The following CNTNAP2 variants were observed in gnomAD, a reference collection of about 807,000 sequenced individuals.
The protein encoded by CNTNAP2 is contactin-associated protein-like 2.
A neutral mutation model predicts 155.2 loss-of-function variants in CNTNAP2; 98 were observed. That is an observed-to-expected ratio of 0.63 (90% CI 0.54 to 0.75). The LOEUF is 0.75. Among genes scored for constraint, CNTNAP2 ranks in the 30% least tolerant of loss-of-function variants. The probability of loss-of-function intolerance (pLI) is 0.00; values close to 1 mark genes in which losing one functional copy is unlikely to be tolerated. For synonymous variants in CNTNAP2, 651 were observed against 631.2 expected, an observed-to-expected ratio of 1.03 and a Z score of -0.47; for missense variants, 1,727 against 1,688.1, an observed-to-expected ratio of 1.02 and a Z score of -0.40.
intron 1 of CNTNAP2, among the ~76,000 whole-genome samples, chr7:146,604,921 TTGTGG>T (rs1353160319): frequency 1.0e-5 from 1 of 98,730 alleles, no homozygotes; most frequent in East Asian, 3.3e-4. Context: ...CTGGGGACTG[TTGTGG>T]GGTGGGGGGA....
intron 20 of CNTNAP2, among the ~76,000 whole-genome samples, chr7:148,248,861 G>A (rs992277126): frequency 6.6e-5 from 10 of 152,112 alleles, no homozygotes; most frequent in African/African-American, 2.4e-4. Context: ...GTGACTCCAC[G>A]TAGTCACTAG....
At chr7:147,251,901 A>C (rs1458596842) in intron 8 of CNTNAP2, among the ~76,000 whole-genome samples, 3 of 152,192 alleles carry the variant, frequency 2.0e-5, no homozygotes, top group Non-Finnish European at 2.9e-5. Flanking sequence ...AGAAAGTTGG[A>C]CAAGTTTGTT....
chr7:146,555,308 T>C (rs577887955), intron 1 of CNTNAP2, among the ~76,000 whole-genome samples: 67 of 152,350 alleles, frequency 4.4e-4, no homozygotes, highest in African/African-American at 1.5e-3. Context: ...TAGATTAACA[T>C]TAATTAAGTC....
intron 4 of CNTNAP2, among the ~76,000 whole-genome samples, chr7:147,104,023 A>T (rs752668433): frequency 1.3e-5 from 2 of 152,060 alleles, no homozygotes; most frequent in Non-Finnish European, 2.9e-5. Context: ...AGCAACAAAA[A>T]AGTATTAGTG....
chr7:147,449,882 T>C (rs893981911), intron 10 of CNTNAP2, among the ~76,000 whole-genome samples: 2 of 152,198 alleles, frequency 1.3e-5, no homozygotes, highest in Non-Finnish European at 2.9e-5. Flanking sequence ...AATATTCAAT[T>C]TGTCAGCCAA....
intron 3 of CNTNAP2, among the ~76,000 whole-genome samples, chr7:146,980,219 G>A (rs1431081400): frequency 1.3e-5 from 2 of 152,140 alleles, no homozygotes; most frequent in Non-Finnish European, 2.9e-5. Flanking sequence ...GGTTACCTAT[G>A]TAGTTCTAGT....
intron 1 of CNTNAP2, among the ~76,000 whole-genome samples, chr7:146,744,971 G>T (rs1407455953): frequency 6.6e-6 from 1 of 152,106 alleles, no homozygotes; most frequent in African/African-American, 2.4e-5. Context: ...CAATCAAGTG[G>T]TGAATATTCA....
intron 8 of CNTNAP2, among the ~76,000 whole-genome samples, chr7:147,220,006 G>T (rs377067831): frequency 1.3e-5 from 2 of 149,194 alleles, no homozygotes; most frequent in African/African-American, 5.0e-5. Context: ...AGCCAGGATG[G>T]TCTCTATCTC....
chr7:147,735,934 T>G (rs2116475639), intron 13 of CNTNAP2, among the ~76,000 whole-genome samples: 1 of 150,598 alleles, frequency 6.6e-6, no homozygotes, highest in African/African-American at 2.4e-5. Flanking sequence ...ATGAGATGGG[T>G]TTCCTGAATA....
intron 1 of CNTNAP2, among the ~76,000 whole-genome samples, chr7:146,733,142 A>T (rs1801554710): frequency 6.6e-6 from 1 of 152,150 alleles, no homozygotes; most frequent in African/African-American, 2.4e-5. Context: ...TGAGCTAAAT[A>T]GACTGATTTT....
At chr7:146,960,479 G>A (rs572697222) in intron 3 of CNTNAP2, among the ~76,000 whole-genome samples, 30 of 152,102 alleles carry the variant, frequency 2.0e-4, no homozygotes, top group Admixed American at 6.5e-4. Flanking sequence ...TTCTTTTTAC[G>A]GAGTTCATAG....
At chr7:146,966,692 C>A (rs1409401017) in intron 3 of CNTNAP2, among the ~76,000 whole-genome samples, 1 of 152,150 alleles carries the variant, frequency 6.6e-6, no homozygotes, top group Admixed American at 6.5e-5. Context: ...ATCCAATTCA[C>A]AATGCAAATG....
intron 15 of CNTNAP2, among the ~76,000 whole-genome samples, chr7:148,056,088 T>C (rs747036987): frequency 2.0e-5 from 3 of 152,232 alleles, no homozygotes; most frequent in African/African-American, 4.8e-5. Flanking sequence ...ATATGCAGAC[T>C]GTATAGCAGC....
At chr7:146,608,074 G>T (rs1182940097) in intron 1 of CNTNAP2, among the ~76,000 whole-genome samples, 1 of 152,064 alleles carries the variant, frequency 6.6e-6, no homozygotes, top group Non-Finnish European at 1.5e-5. Context: ...TTAATATTTG[G>T]AGCTAAACTT....
At chr7:148,164,860 C>G (rs550074946) in intron 17 of CNTNAP2, among the ~76,000 whole-genome samples, 2 of 151,230 alleles carry the variant, frequency 1.3e-5, no homozygotes, top group African/African-American at 4.9e-5. Flanking sequence ...GTTGGCCAGG[C>G]TGGTCTCAAA....
At chr7:146,367,491 C>A (rs1170760964) in intron 1 of CNTNAP2, among the ~76,000 whole-genome samples, 1 of 152,064 alleles carries the variant, frequency 6.6e-6, no homozygotes, top group Non-Finnish European at 1.5e-5. Context: ...TAATGGAAGA[C>A]AGATTGAAAG....
intron 15 of CNTNAP2, among the ~76,000 whole-genome samples, chr7:147,981,195 GAA>G (rs1393119914): frequency 6.6e-6 from 1 of 152,182 alleles, no homozygotes; most frequent in African/African-American, 2.4e-5. Flanking sequence ...ATGGAACAGA[GAA>G]TAGAAATAGC....
intron 13 of CNTNAP2, among the ~76,000 whole-genome samples, chr7:147,726,298 G>A (rs1796641693): frequency 6.6e-6 from 1 of 151,906 alleles, no homozygotes; most frequent in African/African-American, 2.4e-5. Flanking sequence ...GAAGACTTTT[G>A]GCGGTGTGGA....
At chr7:146,333,466 G>A (rs1449990878) in intron 1 of CNTNAP2, among the ~76,000 whole-genome samples, 12 of 151,918 alleles carry the variant, frequency 7.9e-5, no homozygotes, top group Admixed American at 7.9e-4. Context: ...CTCATGCCCG[G>A]AAAAAAAGTA....
Sources: allele counts gnomAD v4.1 joint callset (sites outside exome capture counted in the v4.1 genomes callset), GRCh38; gene constraint gnomAD v4.1.1; transcripts MANE v1.5; gene names NCBI Gene and HGNC (gene_info 2026-07-23, HGNC 2026-07-21).